Variants in GASK1B observed in about 807,000 individuals in gnomAD.
The protein encoded by GASK1B is Golgi-associated kinase 1B.
A neutral mutation model predicts 42.8 loss-of-function variants in GASK1B; 34 were observed. The observed-to-expected ratio is 0.79, with a 90% confidence interval of 0.60 to 1.06. The LOEUF (loss-of-function observed/expected upper bound fraction) is 1.06, where lower values mean the gene tolerates loss of function less well. GASK1B is among the 50% of genes least tolerant of loss of function. The pLI, the probability that GASK1B is intolerant of heterozygous loss-of-function variation, is 0.00. For missense variants in GASK1B, 686 were observed against 661.0 expected (o/e 1.04, Z -0.42); for synonymous variants, 262 against 259.1 (o/e 1.01, Z -0.11).
At chr4:158,160,802 T>C (rs1004361925) in intron 2 of GASK1B, among the ~76,000 whole-genome samples, 5 of 152,136 alleles carry the variant, frequency 3.3e-5, no homozygotes, top group African/African-American at 1.2e-4. Flanking sequence ...ATCCTGTCAT[T>C]TGTGACAACA....
At chr4:158,170,192 A>G in intron 2 of GASK1B, 4 of 1,587,664 alleles carry the variant, frequency 2.5e-6, no homozygotes, top group Non-Finnish European at 3.4e-6. Context: ...TTAATAAGCC[A>G]CTGGGAAGTG....
intron 4 of GASK1B, among the ~76,000 whole-genome samples, chr4:158,130,257 C>A (rs2110925130): frequency 1.3e-5 from 2 of 152,312 alleles, no homozygotes; most frequent in Middle Eastern, 6.8e-3. Context: ...AAAAATCCAC[C>A]TGCTGAATTC....
At chr4:158,162,734 A>T (rs1372360831) in intron 2 of GASK1B, among the ~76,000 whole-genome samples, 1 of 152,174 alleles carries the variant, frequency 6.6e-6, no homozygotes, top group African/African-American at 2.4e-5. Context: ...CACTATCATG[A>T]AAAGGGGAAC....
rs758613173 is a variant in GASK1B, at chr4:158,130,873, G to A, written c.1265C>T (p.Pro422Leu). Reference sequence around the variant, plus strand: ...GTTGTCTATAAAAACCAAATGCCTTGGGTCATGCTTTCGCTGGATAATGTG... The same window carrying A: ...GTTGTCTATAAAAACCAAATGCCTTAGGTCATGCTTTCGCTGGATAATGTG... ...LAHIIQRKHDPRHLVFIDNKG... is the reference protein window; with the variant it reads ...LAHIIQRKHDLRHLVFIDNKG... Residue 422 changes from proline to leucine, a missense_variant, in exon 4 of 5, where the codon CCA becomes CTA. Transcript: ENST00000585682. The A allele has an allele frequency of 6.2e-7, 1 of 1,614,070 alleles. No homozygotes were observed. Among genetic ancestry groups the A allele is most frequent in the East Asian group, 2.2e-5 (1 of 44,884 alleles).
At chr4:158,148,809 C>T (rs1366450239) in intron 3 of GASK1B, among the ~76,000 whole-genome samples, 1 of 152,128 alleles carries the variant, frequency 6.6e-6, no homozygotes, top group African/African-American at 2.4e-5. Flanking sequence ...TCCTCAAGAC[C>T]ACAGACAATA....
At chr4:158,172,839 G>C (rs1732616861) in intron 1 of GASK1B, 29 bp downstream of exon 1, 1 of 152,078 alleles carries the variant, frequency 6.6e-6, no homozygotes, top group Non-Finnish European at 1.5e-5. Context: ...CTTGGGGTTA[G>C]AGCACAAGCG....
intron 3 of GASK1B, among the ~76,000 whole-genome samples, chr4:158,145,072 C>G (rs982945358): frequency 5.3e-5 from 8 of 152,152 alleles, no homozygotes; most frequent in African/African-American, 1.7e-4. Flanking sequence ...TCAAGGGGGC[C>G]ATAGTTGGAA....
rs1463354929 is a variant in GASK1B, at chr4:158,155,613, G to A, written c.1123C>T (p.Gln375Ter). 1.9e-6 allele frequency: 3 copies of A among 1,612,736 alleles called. No homozygotes were observed. Among genetic ancestry groups the A allele is most frequent in the Admixed American group, 1.7e-5 (1 of 59,904 alleles). Reference protein sequence around the residue: ...SKMALFDFLLQIYNRLDTNCC... With the variant: ...SKMALFDFLL ...TTTGCTTGATTTGATAAACTTACCTGTAACAAAAAATCAAAGAGTGCCATC... is the reference window on the plus strand; with the variant it reads ...TTTGCTTGATTTGATAAACTTACCTATAACAAAAAATCAAAGAGTGCCATC... Residue 375 changes from glutamine (Q) to a stop codon, truncating the protein, a stop_gained and splice_region_variant, in exon 3 of 5, where the codon CAG becomes TAG. Coordinates refer to ENST00000585682, the MANE Select transcript of GASK1B (RefSeq NM_001128424.2). LOFTEE classifies it high-confidence loss of function.
At chr4:158,152,100 T>C (rs1440426947) in intron 3 of GASK1B, among the ~76,000 whole-genome samples, 1 of 152,156 alleles carries the variant, frequency 6.6e-6, no homozygotes, top group Non-Finnish European at 1.5e-5. Context: ...GCTTTTGGAG[T>C]CTTGGACTTA....
At chr4:158,153,615 G>C (rs1731642010) in intron 3 of GASK1B, among the ~76,000 whole-genome samples, 1 of 152,038 alleles carries the variant, frequency 6.6e-6, no homozygotes, top group African/African-American at 2.4e-5. Flanking sequence ...GTACTATAAG[G>C]CTATAGTCAC....
chr4:158,154,393 A>T (rs1466875406), intron 3 of GASK1B, among the ~76,000 whole-genome samples: 3 of 152,276 alleles, frequency 2.0e-5, no homozygotes, highest in African/African-American at 4.8e-5. Flanking sequence ...AAAAGGGAAC[A>T]CTTTTGCACT....
intron 3 of GASK1B, among the ~76,000 whole-genome samples, chr4:158,143,088 G>C (rs577679363): frequency 6.6e-6 from 1 of 152,142 alleles, no homozygotes; most frequent in African/African-American, 2.4e-5. Flanking sequence ...TATTTTGTGC[G>C]TGATAATAGC....
intron 3 of GASK1B, among the ~76,000 whole-genome samples, chr4:158,148,951 A>C (rs1053691287): frequency 6.6e-6 from 1 of 152,192 alleles, no homozygotes; most frequent in African/African-American, 2.4e-5. Flanking sequence ...TTGGAGAAAT[A>C]TCTCTCTTCC....
At position 158,145,441 on chromosome 4, in the gene GASK1B, A is replaced by AACC. The variant is rs1197886391; in HGVS notation, c.1125+10167_1125+10169dup. Among the ~76,000 whole-genome samples, 7 of 152,180 alleles carry AACC rather than the reference A, an allele frequency of 4.6e-5. No individual in the cohort carries two copies. The East Asian group carries it at 1.3e-3, about 29-fold the overall frequency. ...AGTTTATTGCAGCCATCTGAAAGAA[A>AACC]ACCACCTTTAGGGAACAGGATATTT... On this transcript the variant is annotated intron_variant, in intron 3 of 4. Transcript: ENST00000585682.
rs906510588 is a variant in GASK1B, at chr4:158,142,681, C to G, written c.1126-11669G>C. ...CTGCTATTATCAGAAAAAGGACTAACCAGATATGATGTCTTCTGATAAAAG... is the reference window on the plus strand; with the variant it reads ...CTGCTATTATCAGAAAAAGGACTAAGCAGATATGATGTCTTCTGATAAAAG... On this transcript the variant is annotated intron_variant, in intron 3 of 4. Coordinates refer to ENST00000585682, the MANE Select transcript of GASK1B (RefSeq NM_001128424.2). Among the ~76,000 whole-genome samples, 8 of 152,218 alleles carry G rather than the reference C, an allele frequency of 5.3e-5. 1 individual carries two copies. In the East Asian group the frequency reaches 1.5e-3, roughly 29 times the overall value.
rs879923364 is a variant in GASK1B, at chr4:158,136,371, TA to T, written c.1126-5360del. On this transcript the variant is annotated intron_variant, in intron 3 of 4. Transcript: ENST00000585682. ...ACCCCCAGAAAATGCACTGTGCCTA[TA>T]AAAAAAAAAGCTAAAAATTTTTTAT... 8.0e-3 allele frequency among the ~76,000 whole-genome samples: 1,169 copies of T among 146,170 alleles called. 12 individuals carry two copies. Among genetic ancestry groups the T allele is most frequent in the African/African-American group, 0.025 (1,015 of 39,986 alleles).
At chr4:158,145,636 C>A (rs1731301327) in intron 3 of GASK1B, among the ~76,000 whole-genome samples, 1 of 152,116 alleles carries the variant, frequency 6.6e-6, no homozygotes, top group South Asian at 2.1e-4. Context: ...CTCAAAATTT[C>A]TTTCTATAAA....
At chr4:158,141,676 G>A (rs1252117457) in intron 3 of GASK1B, among the ~76,000 whole-genome samples, 1 of 135,082 alleles carries the variant, frequency 7.4e-6, no homozygotes, top group Non-Finnish European at 1.5e-5. Context: ...ACGCGATCTC[G>A]GCTCACTGCA....
chr4:158,147,034 T>C (rs1731356036), intron 3 of GASK1B, among the ~76,000 whole-genome samples: 1 of 152,236 alleles, frequency 6.6e-6, no homozygotes, highest in African/African-American at 2.4e-5. Context: ...CTGTATTCCC[T>C]TGCTCTGGCT....
Sources: gnomAD v4.1 joint callset for allele counts (sites outside exome capture counted in the v4.1 genomes callset) on GRCh38, gnomAD v4.1.1 for gene constraint, MANE v1.5 for transcripts, NCBI Gene and HGNC (gene_info 2026-07-23, HGNC 2026-07-21) for gene names.